Variants in MITF observed in about 807,000 individuals in gnomAD.
The protein encoded by MITF is microphthalmia-associated transcription factor.
MITF carries 17 observed loss-of-function variants against 60.5 expected under a neutral mutation model. The observed-to-expected ratio is 0.28, with a 90% confidence interval of 0.19 to 0.42. MITF has a LOEUF of 0.42. MITF is among the 10% of genes least tolerant of loss of function. MITF has a pLI of 1.00. For missense variants in MITF, 622 were observed against 683.5 expected (o/e 0.91, Z 1.00); for synonymous variants, 260 against 248.5 (o/e 1.05, Z -0.43).
chr3:69,873,848 T>C (rs998392608), intron 1 of MITF, among the ~76,000 whole-genome samples: 2 of 152,258 alleles, frequency 1.3e-5, no homozygotes, highest in Non-Finnish European at 2.9e-5. Flanking sequence ...CAGAATTGGC[T>C]GCAGAATTTT....
chr3:69,914,551 A>C (rs1481767804), intron 2 of MITF, among the ~76,000 whole-genome samples: 1 of 152,210 alleles, frequency 6.6e-6, no homozygotes, highest in African/African-American at 2.4e-5. Context: ...TACTTGCACA[A>C]ATTATTGCTT....
At chr3:69,938,201 C>T in intron 3 of MITF, 152 bp downstream of exon 3, 1 of 1,142,428 alleles carries the variant, frequency 8.8e-7, no homozygotes, top group South Asian at 1.3e-5. Context: ...CTGTGGCATT[C>T]CAGCCTGTTG....
chr3:69,912,870 C>T (rs1019411053), intron 2 of MITF, among the ~76,000 whole-genome samples: 122 of 152,206 alleles, frequency 8.0e-4, no homozygotes, highest in African/African-American at 2.9e-3. Flanking sequence ...ATATAAAGGT[C>T]CAGTATGTTC....
chr3:69,763,625 T>C, intron 1 of MITF: 12 of 1,220,100 alleles, frequency 9.8e-6, no homozygotes, highest in Non-Finnish European at 1.1e-5. Flanking sequence ...ATCGCATCTT[T>C]GTAATAATCT....
intron 6 of MITF, 113 bp from the exon 7 acceptor site, chr3:69,951,699 T>C: frequency 1.3e-6 from 1 of 787,276 alleles, no homozygotes; most frequent in Non-Finnish European, 2.2e-6. Flanking sequence ...TATTTTTACT[T>C]AGAGTCAAGT....
chr3:69,794,095 C>T (rs900176056), intron 1 of MITF, among the ~76,000 whole-genome samples: 4 of 152,198 alleles, frequency 2.6e-5, no homozygotes, highest in Non-Finnish European at 5.9e-5. Context: ...CCTCTTTCCT[C>T]TCCTAGTATC....
chr3:69,766,976 A>G (rs533491486), intron 1 of MITF, among the ~76,000 whole-genome samples: 1 of 152,294 alleles, frequency 6.6e-6, no homozygotes, highest in African/African-American at 2.4e-5. Context: ...TGTTCATTTA[A>G]ACAATAGAGA....
intron 1 of MITF, among the ~76,000 whole-genome samples, chr3:69,876,239 C>T (rs897363522): frequency 6.6e-6 from 1 of 152,072 alleles, no homozygotes; most frequent in African/African-American, 2.4e-5. Context: ...GCCAATGACT[C>T]GTCTTGAGCA....
At chr3:69,796,707 C>T (rs1335497742) in intron 1 of MITF, among the ~76,000 whole-genome samples, 1 of 150,098 alleles carries the variant, frequency 6.7e-6, no homozygotes, top group Non-Finnish European at 1.5e-5. Context: ...GGGGTTTCAC[C>T]TTGTTAGCCA....
intron 2 of MITF, among the ~76,000 whole-genome samples, chr3:69,888,781 C>T (rs1325218268): frequency 6.6e-6 from 1 of 152,020 alleles, no homozygotes; most frequent in African/African-American, 2.4e-5. Context: ...TCTGAAGGGC[C>T]ATCTATGGCC....
At chr3:69,755,270 C>T (rs948506115) in intron 1 of MITF, among the ~76,000 whole-genome samples, 3 of 152,120 alleles carry the variant, frequency 2.0e-5, no homozygotes, top group Admixed American at 6.5e-5. Context: ...ACAGAAATCT[C>T]GAATTCCTAA....
chr3:69,751,439 G>C (rs928025407), intron 1 of MITF, among the ~76,000 whole-genome samples: 2 of 152,136 alleles, frequency 1.3e-5, no homozygotes, highest in African/African-American at 4.8e-5. Context: ...CTGTGAGAAG[G>C]AAGGGCAAGG....
At chr3:69,750,966 C>T (rs1432433381) in intron 1 of MITF, among the ~76,000 whole-genome samples, 1 of 152,056 alleles carries the variant, frequency 6.6e-6, no homozygotes, top group African/African-American at 2.4e-5. Flanking sequence ...GCTAACCAGG[C>T]CTTCCATGGA....
intron 2 of MITF, among the ~76,000 whole-genome samples, chr3:69,897,599 A>G (rs1490952705): frequency 6.6e-6 from 1 of 152,196 alleles, no homozygotes; most frequent in Non-Finnish European, 1.5e-5. Context: ...TTTAAGTAGT[A>G]CAACAGAGAC....
At chr3:69,934,932 A>T (rs967778740) in intron 2 of MITF, among the ~76,000 whole-genome samples, 3 of 152,216 alleles carry the variant, frequency 2.0e-5, no homozygotes, top group Non-Finnish European at 2.9e-5. Context: ...TTACTTAAAA[A>T]AGAAGTTTGG....
chr3:69,779,638 A>G (rs1465082739), intron 1 of MITF, among the ~76,000 whole-genome samples: 1 of 152,172 alleles, frequency 6.6e-6, no homozygotes, highest in African/African-American at 2.4e-5. Context: ...GCAACTGAAG[A>G]CTTAAAAATT....
intron 2 of MITF, among the ~76,000 whole-genome samples, chr3:69,884,454 C>T (rs1000761066): frequency 6.6e-6 from 1 of 151,876 alleles, no homozygotes; most frequent in Non-Finnish European, 1.5e-5. Flanking sequence ...TTTAAGAATC[C>T]CGCTTCAAGG....
intron 1 of MITF, among the ~76,000 whole-genome samples, chr3:69,816,804 T>G (rs1210304049): frequency 6.6e-6 from 1 of 152,216 alleles, no homozygotes; most frequent in Non-Finnish European, 1.5e-5. Context: ...TTGATGATGA[T>G]GATGATGTTG....
In MITF at chr3:69,771,249, G is replaced by GTT. The variant is rs5849920; in HGVS notation, c.104+31560_104+31561dup. Among the ~76,000 whole-genome samples, 1,011 of 146,968 alleles carry GTT rather than the reference G, an allele frequency of 6.9e-3. 2 individuals are homozygous for GTT. Among genetic ancestry groups the GTT allele is most frequent in the African/African-American group, 0.012 (466 of 39,976 alleles). On this transcript the variant is annotated intron_variant, in intron 1 of 9. Coordinates refer to ENST00000352241, the MANE Select transcript of MITF (RefSeq NM_001354604.2). Reference sequence around the variant, plus strand: ...TGAAAGTTACTCCGTTTAAACATGGGTTTTTTTTTTTTTCCTGAAATGAAC... The same window carrying GTT: ...TGAAAGTTACTCCGTTTAAACATGGGTTTTTTTTTTTTTTTCCTGAAATGAAC...
Sources: allele counts gnomAD v4.1 joint callset (sites outside exome capture counted in the v4.1 genomes callset), GRCh38; gene constraint gnomAD v4.1.1; transcripts MANE v1.5; gene names NCBI Gene and HGNC (gene_info 2026-07-23, HGNC 2026-07-21).